The following DTNA variants were observed in gnomAD, a reference collection of about 807,000 sequenced individuals.
DTNA encodes the protein dystrobrevin alpha.
A neutral mutation model predicts 100.7 loss-of-function variants in DTNA; 43 were observed. The observed-to-expected ratio is 0.43, with a 90% CI of 0.33 to 0.55. DTNA has a LOEUF of 0.55. DTNA is among the 20% of genes least tolerant of loss of function. DTNA has a pLI of 0.04. For missense variants in DTNA, 798 were observed against 953.9 expected (o/e 0.84, Z 2.15); for synonymous variants, 349 against 347.9 (o/e 1.00, Z -0.04).
chr18:34,868,598 TA>T, intron 17 of DTNA: 3 of 985,474 alleles, frequency 3.0e-6, no homozygotes, highest in Non-Finnish European at 3.6e-6. Context: ...CTGGATTTAA[TA>T]ACCTCTACTT....
At chr18:34,782,638 A>G (rs1300379398) in intron 3 of DTNA, among the ~76,000 whole-genome samples, 1 of 152,168 alleles carries the variant, frequency 6.6e-6, no homozygotes, top group African/African-American at 2.4e-5. Context: ...GAGCAGGCTA[A>G]GTAAAGGCAC....
At chr18:34,534,447 A>G (rs943440641) in intron 1 of DTNA, among the ~76,000 whole-genome samples, 4 of 152,080 alleles carry the variant, frequency 2.6e-5, no homozygotes, top group African/African-American at 7.2e-5. Context: ...ACATTATCCC[A>G]TGCAGACAGA....
At chr18:34,870,212 A>G (rs553322803) in intron 17 of DTNA, among the ~76,000 whole-genome samples, 3 of 152,324 alleles carry the variant, frequency 2.0e-5, no homozygotes, top group Admixed American at 1.3e-4. Flanking sequence ...GTGGGGAAAA[A>G]AAGTCAAGCA....
chr18:34,629,642 C>G (rs2057807526), intron 1 of DTNA, among the ~76,000 whole-genome samples: 1 of 152,180 alleles, frequency 6.6e-6, no homozygotes, highest in Non-Finnish European at 1.5e-5. Flanking sequence ...GCTTCCAGGA[C>G]AAGTGCTGTT....
intron 1 of DTNA, among the ~76,000 whole-genome samples, chr18:34,622,421 G>T (rs567151051): frequency 6.6e-6 from 1 of 152,174 alleles, no homozygotes; most frequent in African/African-American, 2.4e-5. Context: ...CTACGGTTTG[G>T]TGTACATGAC....
At chr18:34,650,782 G>A (rs769357177) in intron 1 of DTNA, among the ~76,000 whole-genome samples, 3 of 152,086 alleles carry the variant, frequency 2.0e-5, no homozygotes, top group Non-Finnish European at 4.4e-5. Flanking sequence ...TTCTATTATA[G>A]TAGTACTAGG....
intron 5 of DTNA, among the ~76,000 whole-genome samples, chr18:34,807,334 C>T (rs1258549287): frequency 3.3e-5 from 5 of 152,106 alleles, no homozygotes; most frequent in Non-Finnish European, 7.4e-5. Flanking sequence ...GCTGAGTTAT[C>T]CTTTGTCAGT....
At chr18:34,747,104 C>CTATCTATCTATCTATATATATA (rs1041438583) in intron 1 of DTNA, among the ~76,000 whole-genome samples, 6 of 148,228 alleles carry the variant, frequency 4.0e-5, no homozygotes, top group African/African-American at 1.3e-4. Flanking sequence ...ATATCTGTAT[C>CTATCTATCTATCTATATATATA]TATATATATA....
intron 11 of DTNA, among the ~76,000 whole-genome samples, chr18:34,836,406 A>G (rs1603032823): frequency 6.6e-6 from 1 of 152,278 alleles, no homozygotes; most frequent in Non-Finnish European, 1.5e-5. Flanking sequence ...TAATTCCAGC[A>G]CTTTGGGAGG....
intron 3 of DTNA, among the ~76,000 whole-genome samples, chr18:34,773,982 G>A (rs1164543016): frequency 6.6e-6 from 1 of 152,186 alleles, no homozygotes; most frequent in African/African-American, 2.4e-5. Context: ...TGTGAGCTAA[G>A]CCACACCTGT....
At chr18:34,869,392 G>A (rs1230490098) in intron 17 of DTNA, among the ~76,000 whole-genome samples, 1 of 152,018 alleles carries the variant, frequency 6.6e-6, no homozygotes, top group Non-Finnish European at 1.5e-5. Context: ...ATTTGAAAAG[G>A]ACTTTTAATT....
chr18:34,576,409 G>C (rs1223660745), intron 1 of DTNA, among the ~76,000 whole-genome samples: 1 of 152,154 alleles, frequency 6.6e-6, no homozygotes, highest in Non-Finnish European at 1.5e-5. Flanking sequence ...GTTTCATCAT[G>C]GAACACAAAT....
chr18:34,867,941 G>C, intron 17 of DTNA: 1 of 985,386 alleles, frequency 1.0e-6, no homozygotes, highest in Non-Finnish European at 1.2e-6. Flanking sequence ...CATCGTCTGG[G>C]TAGTGGCAGA....
At chr18:34,568,541 C>T (rs548199704) in intron 1 of DTNA, among the ~76,000 whole-genome samples, 1 of 152,216 alleles carries the variant, frequency 6.6e-6, no homozygotes, top group South Asian at 2.1e-4. Context: ...CTACAGTTTC[C>T]TCATGCATAA....
intron 3 of DTNA, among the ~76,000 whole-genome samples, chr18:34,785,578 G>A (rs1296596375): frequency 2.0e-5 from 3 of 152,044 alleles, no homozygotes; most frequent in African/African-American, 7.2e-5. Context: ...TATTCCCATT[G>A]TACAAATGAA....
chr18:34,590,706 A>T, intron 1 of DTNA, among the ~76,000 whole-genome samples: 1 of 152,204 alleles, frequency 6.6e-6, no homozygotes, highest in East Asian at 1.9e-4. Flanking sequence ...TTACATGCCC[A>T]GTTTTCTTTG....
chr18:34,873,606 T>C (rs1052614959), intron 17 of DTNA, among the ~76,000 whole-genome samples: 3 of 152,184 alleles, frequency 2.0e-5, no homozygotes. Flanking sequence ...TATTTTCACC[T>C]CTCTGAGTAC....
At chr18:34,535,889 A>G (rs2043657777) in intron 1 of DTNA, among the ~76,000 whole-genome samples, 1 of 152,046 alleles carries the variant, frequency 6.6e-6, no homozygotes, top group Admixed American at 6.6e-5. Context: ...ATGTGTTCTC[A>G]TGATAAAGAT....
intron 19 of DTNA, among the ~76,000 whole-genome samples, chr18:34,879,335 C>A (rs2096849729): frequency 6.6e-6 from 1 of 152,092 alleles, no homozygotes; most frequent in South Asian, 2.1e-4. Context: ...CATAACATTT[C>A]TGAGATTTTA....
Sources: gnomAD v4.1 joint callset for allele counts (sites outside exome capture counted in the v4.1 genomes callset) on GRCh38, gnomAD v4.1.1 for gene constraint, MANE v1.5 for transcripts, NCBI Gene and HGNC (gene_info 2026-07-23, HGNC 2026-07-21) for gene names.